Variants in CFTR observed in about 807,000 individuals in gnomAD.
The protein encoded by CFTR is CF transmembrane conductance regulator.
A neutral mutation model predicts 171.6 loss-of-function variants in CFTR; 181 were observed. The ratio of observed to expected loss-of-function variants is 1.05; its 90% confidence interval spans 0.93 to 1.19. CFTR has a LOEUF of 1.19. Ranked by LOEUF, CFTR falls within the 50% of genes most tolerant of loss-of-function variation. CFTR has a pLI of 0.00. For missense variants in CFTR, 1,968 were observed against 1,734.7 expected (o/e 1.13, Z -2.39); for synonymous variants, 583 against 608.0 (o/e 0.96, Z 0.60).
chr7:117,625,243 T>C (rs1261169642), intron 21 of CFTR, among the ~76,000 whole-genome samples: 1 of 152,172 alleles, frequency 6.6e-6, no homozygotes, highest in African/African-American at 2.4e-5. Context: ...TAGGCTGTCT[T>C]AGAGTCACAT....
At chr7:117,552,301 C>CAT (rs1319917341) in intron 10 of CFTR, among the ~76,000 whole-genome samples, 1 of 151,780 alleles carries the variant, frequency 6.6e-6, no homozygotes, top group Non-Finnish European at 1.5e-5. Context: ...GTCCAATATG[C>CAT]ATATATATAT....
chr7:117,522,162 G>T (rs1257258511), intron 3 of CFTR, among the ~76,000 whole-genome samples: 1 of 152,162 alleles, frequency 6.6e-6, no homozygotes, highest in Admixed American at 6.6e-5. Flanking sequence ...CCTCTACCCA[G>T]ATGATCTTCT....
At position 117,646,058 on chromosome 7, in the gene CFTR, A is replaced by G. The variant is rs557701476; in HGVS notation, c.3873+3465A>G. Among the ~76,000 whole-genome samples, 12 of 152,284 alleles carry G rather than the reference A, an allele frequency of 7.9e-5. No homozygotes were observed. In the South Asian group the frequency reaches 2.5e-3, roughly 32 times the overall value. ...TGTAACAAGAGATTGTGGTTCCATCAGTATCTGGATTTTAGTCTGTGTAAT... is the reference window on the plus strand; with the variant it reads ...TGTAACAAGAGATTGTGGTTCCATCGGTATCTGGATTTTAGTCTGTGTAAT... On this transcript the variant is annotated intron_variant, in intron 23 of 26. Transcript: ENST00000003084.
At chr7:117,635,149 C>G (rs1020455297) in intron 22 of CFTR, among the ~76,000 whole-genome samples, 4 of 152,132 alleles carry the variant, frequency 2.6e-5, no homozygotes, top group Non-Finnish European at 5.9e-5. Flanking sequence ...GAAACATACA[C>G]ATGAAGAATT....
intron 1 of CFTR, among the ~76,000 whole-genome samples, chr7:117,482,913 G>A (rs1724177664): frequency 6.6e-6 from 1 of 152,124 alleles, no homozygotes. Flanking sequence ...AGGAACTGTG[G>A]GAACCCCACA....
Position 117,521,842 on chromosome 7 carries a change from A to C in CFTR, c.274-9057A>C, listed in dbSNP as rs1158180117. ...ATGAGTTCAGGTTTCTATTTTTTTC[A>C]CCTGAACTTTCCTTCATGGTTTGAA... On this transcript the variant is annotated intron_variant, in intron 3 of 26. Coordinates refer to ENST00000003084, the MANE Select transcript of CFTR (RefSeq NM_000492.4). Among the ~76,000 whole-genome samples the C allele has an allele frequency of 2.0e-5, 3 of 152,114 alleles. No homozygotes were observed. In the East Asian group the frequency reaches 5.8e-4, roughly 29 times the overall value.
Position 117,667,457 on chromosome 7 carries a change from G to A in CFTR, c.*349G>A. 5.7e-6 allele frequency: 2 copies of A among 353,268 alleles called. No homozygotes were observed. Among genetic ancestry groups the A allele is most frequent in the Non-Finnish European group, 1.1e-5 (2 of 181,452 alleles). 21.9% of individuals were successfully genotyped at this position (353,268 alleles called of 1,614,324 possible). ...AATCAGCCTAGTTGATCAGCTTATTGTCTAGTGAAACTCGTTAATTTGTAG... is the reference window on the plus strand; with the variant it reads ...AATCAGCCTAGTTGATCAGCTTATTATCTAGTGAAACTCGTTAATTTGTAG... On this transcript the variant is annotated 3_prime_UTR_variant, in exon 27 of 27. Transcript: ENST00000003084.
intron 11 of CFTR, among the ~76,000 whole-genome samples, chr7:117,587,006 T>G (rs1791945741): frequency 1.3e-5 from 2 of 152,202 alleles, no homozygotes; most frequent in Admixed American, 6.6e-5. Flanking sequence ...ATGACTTACC[T>G]TCTAAATTAG....
chr7:117,587,231 A>G (rs144925469), intron 11 of CFTR, among the ~76,000 whole-genome samples: 166 of 152,258 alleles, frequency 1.1e-3, no homozygotes, highest in African/African-American at 3.9e-3. Flanking sequence ...AGAAGCATGG[A>G]AAGGAATTGC....
At position 117,559,392 on chromosome 7, in the gene CFTR, A is replaced by T. The variant is rs1027842102; in HGVS notation, c.1393-72A>T. The T allele has an allele frequency of 5.3e-6, 5 of 939,930 alleles. No homozygotes were observed. The African/African-American group carries it at 8.2e-5, about 15-fold the overall frequency. 58.2% of individuals were successfully genotyped at this position (939,930 alleles called of 1,614,324 possible). ...ATAAGAATATACACTTCTGCTTAGGATGATAATTGGAGGCAAGTGAATCCT... is the reference window on the plus strand; with the variant it reads ...ATAAGAATATACACTTCTGCTTAGGTTGATAATTGGAGGCAAGTGAATCCT... On this transcript the variant is annotated intron_variant, in intron 10 of 26. Coordinates refer to ENST00000003084, the MANE Select transcript of CFTR (RefSeq NM_000492.4).
intron 20 of CFTR, among the ~76,000 whole-genome samples, chr7:117,614,250 C>T (rs183540524): frequency 6.6e-6 from 1 of 152,030 alleles, no homozygotes; most frequent in East Asian, 1.9e-4. Context: ...ATCTCTTTTC[C>T]CCATTGCCCA....
intron 11 of CFTR, chr7:117,586,123 G>A (rs984122554): frequency 1.3e-5 from 2 of 152,148 alleles, no homozygotes; most frequent in Non-Finnish European, 2.9e-5. Context: ...TAGGTGTGAA[G>A]TCTAACTTCT....
At chr7:117,540,814 A>G (rs867705372) in intron 8 of CFTR, among the ~76,000 whole-genome samples, 3 of 152,216 alleles carry the variant, frequency 2.0e-5, no homozygotes, top group South Asian at 2.1e-4. Context: ...GCATTATTTA[A>G]TCTAGGCCAG....
At chr7:117,558,542 A>G (rs1225586456) in intron 10 of CFTR, among the ~76,000 whole-genome samples, 1 of 139,242 alleles carries the variant, frequency 7.2e-6, no homozygotes, top group Non-Finnish European at 1.5e-5. Context: ...TGACAGAGTG[A>G]GACTCTGTCT....
At chr7:117,508,903 A>AT (rs1387081402) in intron 2 of CFTR, 131 bp from the exon 3 acceptor site, 5 of 707,772 alleles carry the variant, frequency 7.1e-6, no homozygotes, top group Non-Finnish European at 1.0e-5. Flanking sequence ...TCTCCATGAG[A>AT]TTTTGTCTCT....
chr7:117,660,068 T>C (rs1793245983), intron 24 of CFTR, among the ~76,000 whole-genome samples: 1 of 151,992 alleles, frequency 6.6e-6, no homozygotes, highest in Non-Finnish European at 1.5e-5. Flanking sequence ...CAAAACAAAA[T>C]TTCTTCTTTT....
chr7:117,496,398 C>G (rs1054550220), intron 1 of CFTR, among the ~76,000 whole-genome samples: 1 of 152,026 alleles, frequency 6.6e-6, no homozygotes, highest in African/African-American at 2.4e-5. Flanking sequence ...GAGACAGGGT[C>G]TTGTTATGTT....
At chr7:117,499,220 G>C (rs946656098) in intron 1 of CFTR, among the ~76,000 whole-genome samples, 8 of 152,068 alleles carry the variant, frequency 5.3e-5, no homozygotes, top group African/African-American at 1.9e-4. Flanking sequence ...GAAAATGTCA[G>C]ATGCGTCTTT....
rs397508636 is a variant in CFTR, at chr7:117,652,876, A to T, written c.3908A>T (p.Asn1303Ile). 2.4e-5 allele frequency: 38 copies of T among 1,597,688 alleles called. No individual in the cohort carries two copies. Among genetic ancestry groups the T allele is most frequent in the Admixed American group, 1.8e-4 (11 of 59,790 alleles). ...ATTTTTTCTGGAACATTTAGAAAAA[A>T]CTTGGATCCCTATGAACAGTGGAGT... is the stretch of plus-strand genomic sequence containing the variant. ...VFIFSGTFRKNLDPYEQWSDQ... is the reference protein window; with the variant it reads ...VFIFSGTFRKILDPYEQWSDQ... The change falls in exon 24 of 27, where the codon AAC becomes ATC. Residue 1303 changes from asparagine (N) to isoleucine (I), a missense_variant. Coordinates refer to ENST00000003084, the MANE Select transcript of CFTR (RefSeq NM_000492.4).
Sources: allele counts gnomAD v4.1 joint callset (sites outside exome capture counted in the v4.1 genomes callset), GRCh38; gene constraint gnomAD v4.1.1; transcripts MANE v1.5; gene names NCBI Gene and HGNC (gene_info 2026-07-23, HGNC 2026-07-21).